The following CCDC7 variants were observed in gnomAD, a reference collection of about 807,000 sequenced individuals.
CCDC7 encodes the protein coiled-coil domain-containing protein 7.
A neutral mutation model predicts 196.9 loss-of-function variants in CCDC7; 183 were observed. That is an observed-to-expected ratio of 0.93 (90% CI 0.82 to 1.05). CCDC7 has a LOEUF of 1.05. CCDC7 is among the 50% of genes least tolerant of loss of function. The pLI, the probability that CCDC7 is intolerant of heterozygous loss-of-function variation, is 0.00. For missense variants in CCDC7, 1,540 were observed against 1,482.2 expected (o/e 1.04, Z -0.64); for synonymous variants, 525 against 484.6 (o/e 1.08, Z -1.10).
chr10:32,520,636 G>C (rs757984354), intron 11 of CCDC7, among the ~76,000 whole-genome samples: 5 of 151,932 alleles, frequency 3.3e-5, no homozygotes, highest in Non-Finnish European at 7.4e-5. Flanking sequence ...TCATCAGATG[G>C]GTAGTTTGGA....
chr10:32,513,499 G>A (rs2046546823), intron 9 of CCDC7: 1 of 152,034 alleles, frequency 6.6e-6, no homozygotes, highest in Non-Finnish European at 1.5e-5. Flanking sequence ...TATGAGATTA[G>A]TGTTACTCTG....
At chr10:32,739,156 C>T (rs926502454) in intron 28 of CCDC7, among the ~76,000 whole-genome samples, 4 of 151,980 alleles carry the variant, frequency 2.6e-5, no homozygotes, top group African/African-American at 9.7e-5. Context: ...CTCTGAGCAT[C>T]TAGGATCTGT....
intron 28 of CCDC7, among the ~76,000 whole-genome samples, chr10:32,758,443 A>G (rs912444351): frequency 6.6e-6 from 1 of 152,204 alleles, no homozygotes; most frequent in Non-Finnish European, 1.5e-5. Context: ...GGCTGGTTCA[A>G]TATATAAAAA....
intron 30 of CCDC7, among the ~76,000 whole-genome samples, chr10:32,806,826 A>G (rs1269659994): frequency 6.6e-6 from 1 of 152,180 alleles, no homozygotes; most frequent in Non-Finnish European, 1.5e-5. Context: ...AATCACACTC[A>G]TAGTAACAAT....
rs537007849 is a variant in CCDC7 at position 32,606,948 on chromosome 10, A to G, written c.1801+22644A>G. Among the ~76,000 whole-genome samples, 28 of 152,324 alleles carry G rather than the reference A, an allele frequency of 1.8e-4. No individual in the cohort carries two copies. In the South Asian group the frequency reaches 3.1e-3, roughly 17 times the overall value. ...TTTTGGGAGCCAGATGCAGAATGATATGGTTTGGATATCTGTTCCACGCAA... is the reference window on the plus strand; with the variant it reads ...TTTTGGGAGCCAGATGCAGAATGATGTGGTTTGGATATCTGTTCCACGCAA... On this transcript the variant is annotated intron_variant, in intron 18 of 41. Transcript: ENST00000639629.
intron 18 of CCDC7, among the ~76,000 whole-genome samples, chr10:32,588,492 T>G (rs1303597906): frequency 6.6e-6 from 1 of 152,238 alleles, no homozygotes; most frequent in Admixed American, 6.5e-5. Flanking sequence ...GAACCACACT[T>G]TCTTTCCTGG....
chr10:32,732,595 T>A (rs945571233), intron 28 of CCDC7, among the ~76,000 whole-genome samples: 12 of 152,162 alleles, frequency 7.9e-5, no homozygotes, highest in Non-Finnish European at 1.5e-4. Flanking sequence ...AGCTTTTTTT[T>A]ATATACATAC....
At chr10:32,527,337 A>G (rs1436482620) in intron 11 of CCDC7, among the ~76,000 whole-genome samples, 1 of 152,128 alleles carries the variant, frequency 6.6e-6, no homozygotes. Context: ...TGCCCTCCTC[A>G]ATGCCTCTTT....
At chr10:32,772,312 C>A (rs146705742) in intron 28 of CCDC7, among the ~76,000 whole-genome samples, 1 of 152,164 alleles carries the variant, frequency 6.6e-6, no homozygotes, top group Admixed American at 6.5e-5. Context: ...TGAGGCAGAT[C>A]CACTCCCACA....
At position 32,530,860 on chromosome 10, in the gene CCDC7, A is replaced by G. The variant is rs148787776; in HGVS notation, c.993+12355A>G. ...CCAGTCCTTGGAGGAAAGACCTTCA[A>G]TTTTTCCCCATTCAGTATAATGTTA... On this transcript the variant is annotated intron_variant, in intron 11 of 41. Coordinates refer to ENST00000639629, the Ensembl canonical transcript of CCDC7. Among the ~76,000 whole-genome samples the G allele has an allele frequency of 5.9e-3, 903 of 151,844 alleles. 9 individuals carry two copies. The highest frequency in any genetic ancestry group is 0.021 in the African/African-American group (861 of 41,420).
downstream of CCDC7, among the ~76,000 whole-genome samples, chr10:32,880,894 T>C (rs1414737131): frequency 1.3e-5 from 2 of 152,212 alleles, no homozygotes; most frequent in Non-Finnish European, 2.9e-5. Context: ...CATTGGTCTA[T>C]GTGTCTGTTT....
In CCDC7 at chr10:32,717,099, G is replaced by A. The variant is rs185981123; in HGVS notation, c.2569+5369G>A. On this transcript the variant is annotated intron_variant, in intron 25 of 41. Transcript: ENST00000639629. ...TATACACTCTTCTCAGCACCACGTC[G>A]CACTTATTCTAAAATTGACCACATA... 4.1e-4 allele frequency among the ~76,000 whole-genome samples: 63 copies of A among 152,170 alleles called. 1 individual carries two copies. The highest frequency in any genetic ancestry group is 7.8e-4 in the Non-Finnish European group (53 of 68,012).
intron 3 of CCDC7, among the ~76,000 whole-genome samples, chr10:32,461,707 GTGTATATA>G (rs1218434706): frequency 3.6e-5 from 1 of 27,778 alleles, no homozygotes; most frequent in African/African-American, 1.0e-4. Flanking sequence ...GTGTGTGTGT[GTGTATATA>G]TATATATATA....
chr10:32,769,061 A>G (rs547096728), intron 28 of CCDC7, among the ~76,000 whole-genome samples: 2 of 152,160 alleles, frequency 1.3e-5, no homozygotes, highest in East Asian at 3.9e-4. Context: ...TAATTTTTGG[A>G]ACAGTTTCAA....
intron 8 of CCDC7, among the ~76,000 whole-genome samples, chr10:32,478,936 T>G (rs1454890392): frequency 6.6e-6 from 1 of 152,164 alleles, no homozygotes; most frequent in Non-Finnish European, 1.5e-5. Flanking sequence ...CTGAGCATAG[T>G]ACCTGCTGTT....
intron 30 of CCDC7, among the ~76,000 whole-genome samples, chr10:32,811,073 T>C (rs901090791): frequency 2.0e-5 from 3 of 151,536 alleles, no homozygotes; most frequent in African/African-American, 7.3e-5. Context: ...GTAGAAAGAT[T>C]TCAAATAAAT....
intron 23 of CCDC7, among the ~76,000 whole-genome samples, chr10:32,691,925 G>A (rs941202885): frequency 2.0e-5 from 3 of 152,146 alleles, no homozygotes; most frequent in East Asian, 1.9e-4. Context: ...TACATCATTC[G>A]TCCCCCTTTC....
intron 28 of CCDC7, among the ~76,000 whole-genome samples, chr10:32,758,525 A>T (rs1456692718): frequency 6.6e-6 from 1 of 152,214 alleles, no homozygotes; most frequent in African/African-American, 2.4e-5. Context: ...AGATATGGAA[A>T]AGGCCTTTGA....
At chr10:32,521,749 C>T (rs2047913434) in intron 11 of CCDC7, among the ~76,000 whole-genome samples, 1 of 152,086 alleles carries the variant, frequency 6.6e-6, no homozygotes, top group South Asian at 2.1e-4. Flanking sequence ...GAACAACAGT[C>T]ATGACAGTGG....
Sources: allele counts gnomAD v4.1 joint callset (sites outside exome capture counted in the v4.1 genomes callset), GRCh38; gene constraint gnomAD v4.1.1; transcripts MANE v1.5; gene names NCBI Gene and HGNC (gene_info 2026-07-23, HGNC 2026-07-21).